Variants in FNDC1 observed in about 807,000 individuals in gnomAD.
FNDC1 encodes the protein fibronectin type III domain-containing protein 1.
Under a neutral mutation model 168.0 loss-of-function variants are expected in FNDC1, and 96 were observed. The observed-to-expected ratio is 0.57, with a 90% CI of 0.48 to 0.68. The LOEUF is 0.68. Ranked by LOEUF, FNDC1 falls within the 30% of genes least tolerant of loss-of-function variation. FNDC1 has a pLI of 0.00. For missense variants in FNDC1, 2,587 were observed against 2,482.1 expected, an observed-to-expected ratio of 1.04 and a Z score of -0.90; for synonymous variants, 1,099 against 1,025.9, an observed-to-expected ratio of 1.07 and a Z score of -1.36.
Position 159,232,398 on chromosome 6 carries a change from C to T in FNDC1, c.1886C>T (p.Thr629Ile). The change falls in exon 11 of 23, where the codon ACC (threonine) becomes ATC (isoleucine). Residue 629 changes from threonine to isoleucine, a missense_variant. Physicochemically the swap from Thr to Ile is moderately conservative, Grantham distance 89. Coordinates refer to ENST00000297267, the MANE Select transcript of FNDC1 (RefSeq NM_032532.3). The surrounding 1 kb of genome is among the most constrained non-coding windows in gnomAD (Gnocchi z 4.9). ...GCCCACCACGCGTCCACCCAGGGCA[C>T]CTCTCATCGTCCTTCCCTGCCTGCC... ...SPAHHASTQGTSHRPSLPASL... is the reference protein window; with the variant it reads ...SPAHHASTQGISHRPSLPASL... 1 of 1,613,092 alleles carries T rather than the reference C, an allele frequency of 6.2e-7. No homozygotes were observed. Among genetic ancestry groups the T allele is most frequent in the South Asian group, 1.1e-5 (1 of 90,996 alleles).
chr6:159,209,098 C>T (rs982965241), intron 4 of FNDC1, among the ~76,000 whole-genome samples: 6 of 152,152 alleles, frequency 3.9e-5, no homozygotes, highest in African/African-American at 7.2e-5. Context: ...CTGCCTGCCT[C>T]GGCCTCCCAA....
intron 17 of FNDC1, among the ~76,000 whole-genome samples, chr6:159,252,151 A>G (rs1258861896): frequency 1.3e-5 from 2 of 152,210 alleles, no homozygotes; most frequent in African/African-American, 4.8e-5. Context: ...CCAAGGACAT[A>G]TTTGAAGATA....
chr6:159,249,847 C>CT (rs1382394697), intron 16 of FNDC1, among the ~76,000 whole-genome samples: 13 of 152,306 alleles, frequency 8.5e-5, no homozygotes, highest in African/African-American at 3.1e-4. Context: ...ACAGCTTAAA[C>CT]TAATATCACA....
At chr6:159,260,459 A>C (rs551455807) in intron 18 of FNDC1, among the ~76,000 whole-genome samples, 6 of 152,288 alleles carry the variant, frequency 3.9e-5, no homozygotes, top group African/African-American at 1.2e-4. Context: ...CCCTACAGAA[A>C]AGCCTCTCTC....
chr6:159,247,081 C>A, intron 15 of FNDC1, 112 bp downstream of exon 15: 1 of 843,588 alleles, frequency 1.2e-6, no homozygotes, highest in Non-Finnish European at 2.0e-6. Context: ...GAGCTTTGGG[C>A]CGGTGGCAAT....
At chr6:159,231,828 G>A in intron 10 of FNDC1, 54 bp from the exon 11 acceptor site, 2 of 1,474,058 alleles carry the variant, frequency 1.4e-6, no homozygotes, top group Non-Finnish European at 1.8e-6. Flanking sequence ...TCTCACCTCC[G>A]CTTTCGCTTT....
intron 22 of FNDC1, among the ~76,000 whole-genome samples, chr6:159,270,712 A>C (rs1271969549): frequency 6.6e-6 from 1 of 152,138 alleles, no homozygotes; most frequent in Non-Finnish European, 1.5e-5. Context: ...GTTTTTTTTG[A>C]GAGATTTCCT....
intron 2 of FNDC1, 135 bp downstream of exon 2, chr6:159,197,760 T>G (rs1782281485): frequency 1.4e-6 from 1 of 722,036 alleles, no homozygotes; most frequent in African/African-American, 1.8e-5. Context: ...AATGGAGAGC[T>G]GAGTTCTGAG....
At chr6:159,265,337 T>G (rs547358906) in intron 20 of FNDC1, among the ~76,000 whole-genome samples, 6 of 152,262 alleles carry the variant, frequency 3.9e-5, no homozygotes, top group African/African-American at 1.4e-4. Context: ...AACAGCAAGT[T>G]TTACGTTGTT....
intron 1 of FNDC1, among the ~76,000 whole-genome samples, chr6:159,189,549 T>G (rs1344139147): frequency 6.6e-6 from 1 of 152,180 alleles, no homozygotes; most frequent in Non-Finnish European, 1.5e-5. Context: ...AGCAGGACGC[T>G]TTGGATTCAC....
intron 15 of FNDC1, among the ~76,000 whole-genome samples, chr6:159,247,753 C>CT (rs35059418): frequency 9.3e-5 from 14 of 151,314 alleles, no homozygotes; most frequent in African/African-American, 1.5e-4. Context: ...AAAAAAAACA[C>CT]TTTTTTTTTA....
chr6:159,264,179 T>C (rs530085653), intron 19 of FNDC1, among the ~76,000 whole-genome samples: 135 of 152,346 alleles, frequency 8.9e-4, no homozygotes, highest in Non-Finnish European at 1.7e-3. Flanking sequence ...GTCAAGATAG[T>C]GAGCATATCC....
chr6:159,248,337 C>G (rs895159100), intron 15 of FNDC1, among the ~76,000 whole-genome samples: 1 of 151,588 alleles, frequency 6.6e-6, no homozygotes, highest in African/African-American at 2.4e-5. Flanking sequence ...GATGGAGTCT[C>G]GCTCTGTCTC....
chr6:159,267,767 G>A, intron 21 of FNDC1, 37 bp from the exon 22 acceptor site: 5 of 1,611,240 alleles, frequency 3.1e-6, no homozygotes, highest in Non-Finnish European at 3.4e-6. Context: ...GTGACTTTCT[G>A]TACCTAGTCA....
chr6:159,226,127 G>C (rs796500007), intron 8 of FNDC1, among the ~76,000 whole-genome samples: 66 of 152,268 alleles, frequency 4.3e-4, no homozygotes, highest in African/African-American at 1.4e-3. Context: ...TGTATCCAAG[G>C]CTACCATTCT....
At chr6:159,175,208 T>C (rs1781738149) in intron 1 of FNDC1, among the ~76,000 whole-genome samples, 1 of 152,340 alleles carries the variant, frequency 6.6e-6, no homozygotes, top group East Asian at 1.9e-4. Context: ...TACTTCCTTT[T>C]AATAATAACT....
At chr6:159,177,768 G>A (rs1200025132) in intron 1 of FNDC1, among the ~76,000 whole-genome samples, 1 of 152,128 alleles carries the variant, frequency 6.6e-6, no homozygotes, top group Non-Finnish European at 1.5e-5. Context: ...AGAAAGCTCA[G>A]GAGTGCCCTT....
chr6:159,257,872 A>T (rs888489302), intron 18 of FNDC1, among the ~76,000 whole-genome samples: 1 of 151,830 alleles, frequency 6.6e-6, no homozygotes, highest in African/African-American at 2.4e-5. Flanking sequence ...GAGAAAACAA[A>T]ACCAACAAAA....
Position 159,271,578 on chromosome 6 carries a change from C to T in FNDC1, c.*136C>T, listed in dbSNP as rs1160772837. The T allele has an allele frequency of 9.4e-6, 6 of 640,880 alleles. No individual in the cohort carries two copies. Among genetic ancestry groups the T allele is most frequent in the Non-Finnish European group, 1.4e-5 (5 of 349,348 alleles). The allele number at this position is 640,880 out of a possible 1,614,324, so 39.7% of individuals were successfully genotyped here. ...CAGGAAGGTCATAGATGGACACTGG[C>T]CATTCTGGTCATCTCAGTCTGGAAC... On this transcript the variant is annotated 3_prime_UTR_variant, in exon 23 of 23. Coordinates refer to ENST00000297267, the MANE Select transcript of FNDC1 (RefSeq NM_032532.3).
Sources: gnomAD v4.1 joint callset for allele counts (sites outside exome capture counted in the v4.1 genomes callset) on GRCh38, gnomAD v4.1.1 for gene constraint, Gnocchi (gnomAD v3.1) non-coding constraint, MANE v1.5 for transcripts, NCBI Gene and HGNC (gene_info 2026-07-23, HGNC 2026-07-21) for gene names.